Variants in COL22A1 observed in about 807,000 individuals in gnomAD.
COL22A1 encodes collagen alpha-1(XXII) chain.
Under a neutral mutation model 248.9 loss-of-function variants are expected in COL22A1, and 221 were observed. The observed-to-expected ratio is 0.89, with a 90% CI of 0.80 to 0.99. The LOEUF (loss-of-function observed/expected upper bound fraction) is 0.99, where lower values mean the gene tolerates loss of function less well. Ranked by LOEUF, COL22A1 falls within the 50% of genes least tolerant of loss-of-function variation. The pLI is 0.00. For missense variants in COL22A1, 2,240 were observed against 2,179.0 expected (o/e 1.03, Z -0.56); for synonymous variants, 891 against 793.4 (o/e 1.12, Z -2.07).
intron 23 of COL22A1, among the ~76,000 whole-genome samples, chr8:138,733,875 C>T (rs528460445): frequency 6.6e-6 from 1 of 152,170 alleles, no homozygotes; most frequent in Non-Finnish European, 1.5e-5. Flanking sequence ...ATTAGCCCAT[C>T]CCTAGTCCAC....
chr8:138,846,383 A>G (rs1463704397), intron 3 of COL22A1, among the ~76,000 whole-genome samples: 1 of 152,212 alleles, frequency 6.6e-6, no homozygotes, highest in East Asian at 1.9e-4. Context: ...ATTGAGTCAC[A>G]TCTCTGCAAA....
At chr8:138,836,912 A>G (rs13275321) in intron 4 of COL22A1, among the ~76,000 whole-genome samples, 82,922 of 152,026 alleles carry the variant, frequency 0.55, 23,264 homozygotes, top group East Asian at 0.66. Flanking sequence ...GGTTAATCCC[A>G]GGTAAAGGTA....
chr8:138,734,619 A>G (rs1053900599), intron 23 of COL22A1, among the ~76,000 whole-genome samples: 9 of 152,176 alleles, frequency 5.9e-5, no homozygotes, highest in African/African-American at 9.7e-5. Context: ...CAGTGTGGCA[A>G]TTCCTCAAGG....
chr8:138,675,497 T>C (rs1287923778), intron 41 of COL22A1, among the ~76,000 whole-genome samples: 1 of 152,214 alleles, frequency 6.6e-6, no homozygotes, highest in Non-Finnish European at 1.5e-5. Context: ...TAAAGTTAGA[T>C]TGTGCTTTTG....
rs967369349 is a variant in COL22A1, at chr8:138,588,718, G to C, written c.*535C>G. 2.0e-5 allele frequency: 3 copies of C among 152,280 alleles called. No homozygotes were observed. Among genetic ancestry groups the C allele is most frequent in the Non-Finnish European group, 4.4e-5 (3 of 68,082 alleles). The allele number at this position is 152,280 out of a possible 1,614,324, so 9.4% of individuals were successfully genotyped here. Reference sequence around the variant, plus strand: ...ATGGTTGCAAATTCTTTCTCTTTCTGCTTCTTTACTCTCTCTGGACAGTGG... The same window carrying C: ...ATGGTTGCAAATTCTTTCTCTTTCTCCTTCTTTACTCTCTCTGGACAGTGG... On this transcript the variant is annotated 3_prime_UTR_variant, in exon 65 of 65. Coordinates refer to ENST00000303045, the MANE Select transcript of COL22A1 (RefSeq NM_152888.3).
At chr8:138,676,995 C>T (rs1252338888) in intron 40 of COL22A1, among the ~76,000 whole-genome samples, 1 of 152,156 alleles carries the variant, frequency 6.6e-6, no homozygotes, top group Non-Finnish European at 1.5e-5. Context: ...CCCAGATTTG[C>T]GCATGCACCC....
At chr8:138,892,602 C>T (rs1825144546) in intron 1 of COL22A1, among the ~76,000 whole-genome samples, 1 of 152,184 alleles carries the variant, frequency 6.6e-6, no homozygotes, top group South Asian at 2.1e-4. Flanking sequence ...GTAGGCCACA[C>T]CCCTGTCCCT....
intron 55 of COL22A1, among the ~76,000 whole-genome samples, chr8:138,615,510 G>T (rs557701607): frequency 6.8e-6 from 1 of 147,556 alleles, no homozygotes; most frequent in African/African-American, 2.5e-5. Context: ...CAGCCTGGGC[G>T]ACGGAGTGAG....
chr8:138,833,750 CG>C lies in COL22A1; in HGVS notation c.734-601del, dbSNP rs1414604972. On this transcript the variant is annotated intron_variant, in intron 4 of 64. Transcript: ENST00000303045. ...TTTCCCTCTAAGAGAGGACCTTATA[CG>C]CATTGTCAATGTAAAGTAACAGAAA... 2.0e-5 allele frequency among the ~76,000 whole-genome samples: 3 copies of C among 152,218 alleles called. No individual in the cohort carries two copies. The East Asian group carries it at 5.8e-4, about 29-fold the overall frequency.
chr8:138,842,470 A>G (rs1427830706), intron 4 of COL22A1, among the ~76,000 whole-genome samples: 1 of 152,170 alleles, frequency 6.6e-6, no homozygotes, highest in Non-Finnish European at 1.5e-5. Context: ...TTTGAAGACG[A>G]ATATCAATGG....
chr8:138,787,785 T>C (rs993304331), intron 12 of COL22A1, among the ~76,000 whole-genome samples: 2 of 152,006 alleles, frequency 1.3e-5, no homozygotes, highest in African/African-American at 4.8e-5. Context: ...CTCCACCACA[T>C]ACAAACTCAC....
intron 1 of COL22A1, among the ~76,000 whole-genome samples, chr8:138,890,701 T>C (rs1825001717): frequency 6.6e-6 from 1 of 152,090 alleles, no homozygotes; most frequent in Non-Finnish European, 1.5e-5. Flanking sequence ...AAGTATAAGA[T>C]ACAAAACCAG....
chr8:138,871,668 T>C (rs1286456658), intron 3 of COL22A1, among the ~76,000 whole-genome samples: 3 of 152,144 alleles, frequency 2.0e-5, no homozygotes, highest in Non-Finnish European at 4.4e-5. Flanking sequence ...TGAAAGATAA[T>C]AGAAGCTCAA....
chr8:138,608,281 C>T (rs536734699), intron 56 of COL22A1, among the ~76,000 whole-genome samples: 2 of 152,300 alleles, frequency 1.3e-5, no homozygotes, highest in South Asian at 2.1e-4. Flanking sequence ...ATTATGACCA[C>T]GTTCATTCAT....
Position 138,594,025 on chromosome 8 carries a change from C to T in COL22A1, c.4607G>A (p.Gly1536Asp), listed in dbSNP as rs780000347. The T allele has an allele frequency of 1.9e-6, 3 of 1,570,104 alleles. No individual in the cohort carries two copies. In the South Asian group the frequency reaches 3.5e-5, roughly 18 times the overall value. Reference sequence around the variant, plus strand: ...TCCAGGTCTTCACTCACCTTTGGGACCTATGGGTCCAGAGGGTCCTTCCAG... The same window carrying T: ...TCCAGGTCTTCACTCACCTTTGGGATCTATGGGTCCAGAGGGTCCTTCCAG... Reference protein sequence around the residue: ...GGLEGPSGPIGPKGERGAKGD... With the variant: ...GGLEGPSGPIDPKGERGAKGD... The change falls in exon 63 of 65, where the codon GGT becomes GAT. Residue 1536 changes from glycine (G) to aspartate (D), a missense_variant. By Grantham distance (94) the Gly-to-Asp change is moderately conservative. Coordinates refer to ENST00000303045, the MANE Select transcript of COL22A1 (RefSeq NM_152888.3).
chr8:138,772,988 G>A lies in COL22A1; in HGVS notation c.1803+2978C>T, dbSNP rs142383309. 9.4e-4 allele frequency among the ~76,000 whole-genome samples: 143 copies of A among 152,356 alleles called. 1 individual carries two copies. Among genetic ancestry groups the A allele is most frequent in the African/African-American group, 3.0e-3 (125 of 41,592 alleles). ...GGAGGCGTCTCTGCAAAGCCCCGGC[G>A]CCGCGTGTGGCCTAGCTGCAGACAC... On this transcript the variant is annotated intron_variant, in intron 16 of 64. Coordinates refer to ENST00000303045, the MANE Select transcript of COL22A1 (RefSeq NM_152888.3).
chr8:138,825,945 G>T (rs930553377), intron 6 of COL22A1: 3 of 152,198 alleles, frequency 2.0e-5, no homozygotes, highest in African/African-American at 7.2e-5. Context: ...TTGAATTTCA[G>T]ATTTCTCTTT....
intron 27 of COL22A1, among the ~76,000 whole-genome samples, chr8:138,718,925 A>G (rs530762162): frequency 6.6e-6 from 1 of 152,330 alleles, no homozygotes; most frequent in East Asian, 1.9e-4. Context: ...TAATTGTCGT[A>G]ATCAATCCCC....
At chr8:138,629,221 A>T (rs1248549748) in intron 50 of COL22A1, among the ~76,000 whole-genome samples, 2 of 152,068 alleles carry the variant, frequency 1.3e-5, no homozygotes, top group African/African-American at 2.4e-5. Flanking sequence ...CAGTGGTGCG[A>T]TCTCAGTTCC....
Sources: gnomAD v4.1 joint callset for allele counts (sites outside exome capture counted in the v4.1 genomes callset) on GRCh38, gnomAD v4.1.1 for gene constraint, MANE v1.5 for transcripts, NCBI Gene and HGNC (gene_info 2026-07-23, HGNC 2026-07-21) for gene names.